CTNND2: variants seen among roughly 807,000 people sequenced by gnomAD.
The protein encoded by CTNND2 is catenin delta 2, also known as catenin delta-2.
A neutral mutation model predicts 144.4 loss-of-function variants in CTNND2; 22 were observed. That is an observed-to-expected ratio of 0.15 (90% confidence interval 0.11 to 0.22). CTNND2 has a LOEUF of 0.22. CTNND2 is among the 10% of genes least tolerant of loss of function. The pLI is 1.00. For missense variants in CTNND2, 1,353 were observed against 1,618.8 expected (o/e 0.84, Z 2.82); for synonymous variants, 751 against 695.6 (o/e 1.08, Z -1.25).
chr5:11,570,140 C>T (rs1777446548), intron 2 of CTNND2, among the ~76,000 whole-genome samples: 1 of 152,166 alleles, frequency 6.6e-6, no homozygotes, highest in South Asian at 2.1e-4. Context: ...CCCCAAACTC[C>T]TCCGATTTGT....
intron 1 of CTNND2, among the ~76,000 whole-genome samples, chr5:11,836,975 A>G (rs1453336376): frequency 6.6e-6 from 1 of 152,198 alleles, no homozygotes. Context: ...AGTAAAGGGA[A>G]TTGCCATAGA....
intron 3 of CTNND2, among the ~76,000 whole-genome samples, chr5:11,472,716 G>C (rs778040899): frequency 6.6e-6 from 1 of 152,140 alleles, no homozygotes; most frequent in Non-Finnish European, 1.5e-5. Context: ...CCTATGCATT[G>C]TTAGAACTGA....
At chr5:11,851,183 A>G (rs1368528823) in intron 1 of CTNND2, among the ~76,000 whole-genome samples, 1 of 151,994 alleles carries the variant, frequency 6.6e-6, no homozygotes, top group East Asian at 1.9e-4. Flanking sequence ...AGCTCACCCC[A>G]CAGGTTTTGG....
At chr5:11,832,528 G>C (rs780540847) in intron 1 of CTNND2, among the ~76,000 whole-genome samples, 1 of 152,172 alleles carries the variant, frequency 6.6e-6, no homozygotes, top group Non-Finnish European at 1.5e-5. Flanking sequence ...CCAAAGAAGA[G>C]AGACAGTTAG....
chr5:11,609,084 C>T (rs1056466853), intron 2 of CTNND2, among the ~76,000 whole-genome samples: 11 of 152,210 alleles, frequency 7.2e-5, no homozygotes, highest in African/African-American at 2.7e-4. Flanking sequence ...TCATCAGAGA[C>T]ACCTTCCCCT....
intron 3 of CTNND2, among the ~76,000 whole-genome samples, chr5:11,553,623 A>T (rs1483465301): frequency 6.6e-6 from 1 of 152,208 alleles, no homozygotes; most frequent in Non-Finnish European, 1.5e-5. Flanking sequence ...AATATCATAA[A>T]AACATAACAA....
At chr5:11,740,299 G>C (rs1222847149) in intron 1 of CTNND2, among the ~76,000 whole-genome samples, 3 of 152,146 alleles carry the variant, frequency 2.0e-5, no homozygotes, top group Non-Finnish European at 4.4e-5. Flanking sequence ...ATATTACAAG[G>C]CTACAGTAAC....
intron 2 of CTNND2, among the ~76,000 whole-genome samples, chr5:11,721,316 A>G (rs1581774540): frequency 1.3e-5 from 2 of 152,224 alleles, no homozygotes; most frequent in Non-Finnish European, 2.9e-5. Flanking sequence ...GACTGTGACT[A>G]TACCAAAACC....
intron 2 of CTNND2, among the ~76,000 whole-genome samples, chr5:11,585,978 T>A (rs1778833809): frequency 6.6e-6 from 1 of 152,040 alleles, no homozygotes; most frequent in Admixed American, 6.6e-5. Context: ...GGAGGAAACA[T>A]CTTGGGAGGC....
At chr5:11,216,415 G>C (rs1006799560) in intron 10 of CTNND2, among the ~76,000 whole-genome samples, 1 of 152,230 alleles carries the variant, frequency 6.6e-6, no homozygotes, top group Non-Finnish European at 1.5e-5. Flanking sequence ...GCCGAAGAGA[G>C]TGGCAGGAGA....
chr5:11,152,267 C>T (rs564893431), intron 12 of CTNND2, among the ~76,000 whole-genome samples: 1 of 152,330 alleles, frequency 6.6e-6, no homozygotes, highest in East Asian at 1.9e-4. Context: ...CAACTGCAAA[C>T]TCCAAGGATT....
chr5:11,192,181 G>A (rs954572119), intron 11 of CTNND2, among the ~76,000 whole-genome samples: 2 of 152,184 alleles, frequency 1.3e-5, no homozygotes, highest in African/African-American at 2.4e-5. Context: ...AATGGGAATC[G>A]AGGAATCTCC....
intron 10 of CTNND2, among the ~76,000 whole-genome samples, chr5:11,216,321 T>G (rs868377862): frequency 2.6e-5 from 4 of 152,336 alleles, no homozygotes; most frequent in South Asian, 2.1e-4. Flanking sequence ...GAAGATGGAA[T>G]GAAGGCTGCT....
At chr5:11,128,156 G>A (rs1216000919) in intron 12 of CTNND2, among the ~76,000 whole-genome samples, 4 of 152,144 alleles carry the variant, frequency 2.6e-5, no homozygotes, top group African/African-American at 9.7e-5. Context: ...TCAGAGAGGT[G>A]CAGCAGAAGG....
chr5:11,092,031 C>G (rs1413969203), intron 15 of CTNND2, among the ~76,000 whole-genome samples: 3 of 152,156 alleles, frequency 2.0e-5, no homozygotes, highest in African/African-American at 7.2e-5. Context: ...CACAGTGAGT[C>G]TACCGAGATC....
At chr5:11,203,773 T>G (rs1009752271) in intron 10 of CTNND2, among the ~76,000 whole-genome samples, 2 of 152,224 alleles carry the variant, frequency 1.3e-5, no homozygotes, top group African/African-American at 4.8e-5. Context: ...ATCTTGTTAT[T>G]TATATATAAT....
chr5:11,047,699 G>C (rs774246905), intron 16 of CTNND2, among the ~76,000 whole-genome samples: 2 of 152,070 alleles, frequency 1.3e-5, no homozygotes, highest in Non-Finnish European at 2.9e-5. Context: ...AAGTAGGCTG[G>C]GGGCACAAGA....
At chr5:11,594,682 A>C (rs569955946) in intron 2 of CTNND2, among the ~76,000 whole-genome samples, 20 of 152,324 alleles carry the variant, frequency 1.3e-4, no homozygotes, top group African/African-American at 4.8e-4. Context: ...GACAAAAAAC[A>C]AACAAATATA....
intron 3 of CTNND2, among the ~76,000 whole-genome samples, chr5:11,500,508 T>C (rs1056995791): frequency 4.6e-5 from 7 of 152,216 alleles, no homozygotes; most frequent in Non-Finnish European, 1.0e-4. Context: ...GCCAATTTTG[T>C]GCTTATCTGA....
Sources: gnomAD v4.1 joint callset for allele counts (sites outside exome capture counted in the v4.1 genomes callset) on GRCh38, gnomAD v4.1.1 for gene constraint, MANE v1.5 for transcripts, NCBI Gene and HGNC (gene_info 2026-07-23, HGNC 2026-07-21) for gene names.